CDH13: variants seen among roughly 807,000 people sequenced by gnomAD.
The protein encoded by CDH13 is cadherin-13.
CDH13 carries 24 observed loss-of-function variants against 63.8 expected under a neutral mutation model. The ratio of observed to expected loss-of-function variants is 0.38; its 90% CI spans 0.27 to 0.53. CDH13 has a LOEUF of 0.53. Among genes scored for constraint, CDH13 ranks in the 20% least tolerant of loss-of-function variants. CDH13 has a pLI of 0.85. For missense variants in CDH13, 1,049 were observed against 903.1 expected, an observed-to-expected ratio of 1.16 and a Z score of -2.07; for synonymous variants, 503 against 355.3, an observed-to-expected ratio of 1.42 and a Z score of -4.67.
chr16:82,814,793 A>G (rs982058841), intron 1 of CDH13, among the ~76,000 whole-genome samples: 1 of 152,170 alleles, frequency 6.6e-6, no homozygotes, highest in African/African-American at 2.4e-5. Context: ...AGCACAGGCC[A>G]CAACCTGGGC....
chr16:82,674,345 T>C (rs918869070), intron 1 of CDH13, among the ~76,000 whole-genome samples: 6 of 152,180 alleles, frequency 3.9e-5, no homozygotes, highest in African/African-American at 1.4e-4. Context: ...CAAATAATAT[T>C]GTAATTGGAC....
chr16:82,880,013 TA>T (rs1375840653), intron 2 of CDH13, among the ~76,000 whole-genome samples: 1 of 147,840 alleles, frequency 6.8e-6, no homozygotes, highest in Non-Finnish European at 1.5e-5. Flanking sequence ...TAGATTATAT[TA>T]ATAGATCATA....
chr16:83,672,550 G>C (rs930836803), intron 9 of CDH13, among the ~76,000 whole-genome samples: 1 of 146,570 alleles, frequency 6.8e-6, no homozygotes, highest in Non-Finnish European at 1.5e-5. Context: ...TCAGTCTCCC[G>C]AGTAGCTGGG....
At chr16:83,468,783 T>C (rs540203621) in intron 6 of CDH13, among the ~76,000 whole-genome samples, 18 of 152,342 alleles carry the variant, frequency 1.2e-4, no homozygotes, top group Admixed American at 9.8e-4. Context: ...TTTTAAGTTC[T>C]GGGATACGTG....
intron 4 of CDH13, among the ~76,000 whole-genome samples, chr16:83,125,714 G>A (rs186805844): frequency 2.2e-4 from 33 of 152,232 alleles, no homozygotes; most frequent in Admixed American, 1.7e-3. Context: ...TGAATATTAC[G>A]GGATCAACAT....
intron 8 of CDH13, among the ~76,000 whole-genome samples, chr16:83,655,626 G>C (rs575498422): frequency 6.6e-6 from 1 of 152,184 alleles, no homozygotes; most frequent in Admixed American, 6.5e-5. Context: ...CATGGAAAAG[G>C]CTCTGGATTT....
chr16:82,764,621 G>C (rs2151088327), intron 1 of CDH13, among the ~76,000 whole-genome samples: 1 of 152,266 alleles, frequency 6.6e-6, no homozygotes, highest in South Asian at 2.1e-4. Context: ...ATGATGCCTG[G>C]CCCACAGTAG....
At chr16:82,857,164 T>C (rs984754978) in intron 1 of CDH13, among the ~76,000 whole-genome samples, 1 of 152,228 alleles carries the variant, frequency 6.6e-6, no homozygotes, top group African/African-American at 2.4e-5. Context: ...GATGCTGGCT[T>C]CACCCATTCC....
chr16:83,269,221 G>C (rs2088720675), intron 5 of CDH13, among the ~76,000 whole-genome samples: 1 of 152,182 alleles, frequency 6.6e-6, no homozygotes, highest in South Asian at 2.1e-4. Context: ...CATAATTGCA[G>C]AGAACTCACC....
intron 1 of CDH13, among the ~76,000 whole-genome samples, chr16:82,830,219 A>C (rs1210549058): frequency 6.6e-6 from 1 of 152,212 alleles, no homozygotes; most frequent in East Asian, 1.9e-4. Context: ...TTTCTGATTC[A>C]CACTACAGGG....
At chr16:83,092,710 G>C (rs908054317) in intron 3 of CDH13, among the ~76,000 whole-genome samples, 9 of 152,024 alleles carry the variant, frequency 5.9e-5, no homozygotes, top group African/African-American at 1.9e-4. Context: ...TGGAAATTCA[G>C]GTACATCCAG....
At chr16:83,158,232 A>C (rs187020878) in intron 4 of CDH13, among the ~76,000 whole-genome samples, 1 of 152,162 alleles carries the variant, frequency 6.6e-6, no homozygotes, top group Admixed American at 6.5e-5. Context: ...TTTAAATAAA[A>C]GTTTCTCTTT....
chr16:82,964,249 T>A (rs1907484025), intron 2 of CDH13, among the ~76,000 whole-genome samples: 1 of 152,228 alleles, frequency 6.6e-6, no homozygotes, highest in Non-Finnish European at 1.5e-5. Flanking sequence ...AAGTCCCCTG[T>A]AAAGCATTTT....
chr16:82,682,320 A>G (rs1914635341), intron 1 of CDH13, among the ~76,000 whole-genome samples: 1 of 152,220 alleles, frequency 6.6e-6, no homozygotes, highest in Non-Finnish European at 1.5e-5. Flanking sequence ...GCATTTATCA[A>G]GCTTTTCTGG....
At chr16:83,743,061 G>C (rs1158379797) in intron 10 of CDH13, among the ~76,000 whole-genome samples, 1 of 152,206 alleles carries the variant, frequency 6.6e-6, no homozygotes, top group Non-Finnish European at 1.5e-5. Context: ...AGAAAATTTA[G>C]CCAGGCATGG....
intron 4 of CDH13, among the ~76,000 whole-genome samples, chr16:83,184,391 A>G (rs947780259): frequency 6.6e-6 from 1 of 152,164 alleles, no homozygotes. Context: ...GAGGGACTCT[A>G]TGAGAGGGAA....
chr16:82,667,690 C>T (rs892759632), intron 1 of CDH13, among the ~76,000 whole-genome samples: 2 of 152,130 alleles, frequency 1.3e-5, no homozygotes. Flanking sequence ...AAGCAGTGCA[C>T]CCATGATGTT....
intron 6 of CDH13, among the ~76,000 whole-genome samples, chr16:83,456,127 G>T (rs570752274): frequency 6.6e-6 from 1 of 152,244 alleles, no homozygotes; most frequent in East Asian, 1.9e-4. Context: ...CCAAACACCA[G>T]TGGGGAGTCA....
At chr16:82,697,505 C>T (rs2030463038) in intron 1 of CDH13, among the ~76,000 whole-genome samples, 2 of 137,176 alleles carry the variant, frequency 1.5e-5, no homozygotes, top group South Asian at 5.0e-4. Flanking sequence ...TCTCGACTCA[C>T]TGCAACCTCT....
Sources: gnomAD v4.1 joint callset for allele counts (sites outside exome capture counted in the v4.1 genomes callset) on GRCh38, gnomAD v4.1.1 for gene constraint, MANE v1.5 for transcripts, NCBI Gene and HGNC (gene_info 2026-07-23, HGNC 2026-07-21) for gene names.